The following KCNH4 variants were observed in gnomAD, a reference collection of about 807,000 sequenced individuals.
The protein encoded by KCNH4 is potassium voltage-gated channel subfamily H member 4, also known as voltage-gated delayed rectifier potassium channel KCNH4.
A neutral mutation model predicts 90.7 loss-of-function variants in KCNH4; 33 were observed. The ratio of observed to expected loss-of-function variants is 0.36; its 90% CI spans 0.28 to 0.49. The LOEUF is 0.49. KCNH4 is among the 20% of genes least tolerant of loss of function. The pLI is 0.98. For missense variants in KCNH4, 1,044 were observed against 1,387.1 expected (o/e 0.75, Z 3.93); for synonymous variants, 551 against 581.7 (o/e 0.95, Z 0.76).
At chr17:42,178,687 C>T in intron 2 of KCNH4, 106 bp downstream of exon 2, 1 of 1,188,748 alleles carries the variant, frequency 8.4e-7, no homozygotes, top group South Asian at 1.4e-5. Flanking sequence ...TCACAGTCAG[C>T]TTTTGGCAGT....
chr17:42,158,872 T>G (rs1455745090), intron 16 of KCNH4, among the ~76,000 whole-genome samples: 1 of 151,480 alleles, frequency 6.6e-6, no homozygotes, highest in African/African-American at 2.4e-5. Context: ...TTTATAGAGA[T>G]AGGGTCTCGC....
Position 42,170,070 on chromosome 17 carries a change from G to A in KCNH4, c.1390+37C>T, listed in dbSNP as rs546003744. ...AGTTTCCCCGTGCATGCTGGGCTTC[G>A]CAGGGCCCCACTGAGGCGTGGCAGG... On this transcript the variant is annotated intron_variant, in intron 8 of 16. Coordinates refer to ENST00000264661, the MANE Select transcript of KCNH4 (RefSeq NM_012285.3). The A allele has an allele frequency of 1.4e-5, 22 of 1,542,182 alleles. No individual in the cohort carries two copies. The East Asian group carries it at 3.4e-4, about 24-fold the overall frequency.
chr17:42,180,851 C>G lies in KCNH4; in HGVS notation c.76+19G>C. ...GCCCCCCAGCTCGAACCTCAAGCCC[C>G]GACCTCCGTCCCACTCACGCGTTCC... On this transcript the variant is annotated intron_variant, in intron 1 of 16. Coordinates refer to ENST00000264661, the MANE Select transcript of KCNH4 (RefSeq NM_012285.3). The surrounding 1 kb of genome is among the most constrained non-coding windows in gnomAD (Gnocchi z 4.7). The G allele has an allele frequency of 6.2e-7, 1 of 1,613,190 alleles. No individual in the cohort carries two copies. The highest frequency in any genetic ancestry group is 8.5e-7 in the Non-Finnish European group (1 of 1,179,318).
intron 11 of KCNH4, among the ~76,000 whole-genome samples, chr17:42,164,869 G>C (rs1314803593): frequency 2.0e-5 from 3 of 151,402 alleles, no homozygotes; most frequent in African/African-American, 7.3e-5. Flanking sequence ...ACTTTGGGAG[G>C]CCGAGGTGGG....
intron 10 of KCNH4, 72 bp from the exon 11 acceptor site, chr17:42,165,765 G>T: frequency 6.4e-7 from 1 of 1,561,314 alleles, no homozygotes; most frequent in Non-Finnish European, 8.8e-7. Context: ...GGTGCTCAGT[G>T]GATTTGAGGG....
chr17:42,172,407 C>G (rs2079833230), intron 6 of KCNH4, among the ~76,000 whole-genome samples: 1 of 151,748 alleles, frequency 6.6e-6, no homozygotes, highest in South Asian at 2.1e-4. Flanking sequence ...CTCCTGACCC[C>G]GTGATCCACC....
Position 42,164,181 on chromosome 17 carries a change from A to T in KCNH4, c.2086-13T>A. ...AGCGGCTGAGGCCCTGTGGGGACAT[A>T]GGAGAGTTCAAGCTGATTCCTGCCT... On this transcript the variant is annotated splice_polypyrimidine_tract_variant and intron_variant, in intron 11 of 16. Transcript: ENST00000264661. 1 of 1,543,764 alleles carries T rather than the reference A, an allele frequency of 6.5e-7. No individual in the cohort carries two copies. Among genetic ancestry groups the T allele is most frequent in the Non-Finnish European group, 8.8e-7 (1 of 1,142,346 alleles).
intron 11 of KCNH4, among the ~76,000 whole-genome samples, chr17:42,165,005 C>T (rs182625638): frequency 1.0e-3 from 154 of 151,768 alleles, no homozygotes; most frequent in Admixed American, 4.3e-3. Context: ...ACTCGGAAGG[C>T]TGAGGCAGGA....
intron 1 of KCNH4, among the ~76,000 whole-genome samples, chr17:42,179,679 T>C (rs2079887862): frequency 1.3e-5 from 2 of 152,210 alleles, no homozygotes; most frequent in South Asian, 2.1e-4. Flanking sequence ...CAGATCTCCT[T>C]AGTGTGGGGG....
chr17:42,166,640 C>T, intron 9 of KCNH4, 94 bp from the exon 10 acceptor site: 1 of 1,470,242 alleles, frequency 6.8e-7, no homozygotes, highest in Non-Finnish European at 9.2e-7. Flanking sequence ...GAGAATTCCT[C>T]TTGCCCTTGC....
rs183237188 is a variant in KCNH4, at chr17:42,177,694, C to A, written c.585+406G>T. On this transcript the variant is annotated intron_variant, in intron 4 of 16. Transcript: ENST00000264661. ...CCTAACAGAGGGTTGGGGACTCAAT[C>A]CCCTGGCTTGGTCAGGATCCTAGGA... Among the ~76,000 whole-genome samples the A allele has an allele frequency of 4.5e-3, 688 of 152,284 alleles. 8 individuals are homozygous for A. Among genetic ancestry groups the A allele is most frequent in the Non-Finnish European group, 3.6e-3 (247 of 68,012 alleles).
intron 1 of KCNH4, 107 bp from the exon 2 acceptor site, chr17:42,179,133 T>G: frequency 1.4e-6 from 1 of 725,478 alleles, no homozygotes; most frequent in South Asian, 1.8e-5. Context: ...AGCCAGAAGC[T>G]TCCCAGGTTT....
rs537747952 is a variant in KCNH4 at position 42,176,104 on chromosome 17, G to A, written c.779C>T (p.Ser260Leu). 14 of 1,613,414 alleles carry A rather than the reference G, an allele frequency of 8.7e-6. No homozygotes were observed. The highest frequency in any genetic ancestry group is 2.2e-5 in the South Asian group (2 of 91,058). The change falls in exon 5 of 17, where the codon TCG (serine) becomes TTG (leucine). Residue 260 changes from serine (S) to leucine (L), a missense_variant. Physicochemically the swap from Ser to Leu is moderately radical, Grantham distance 145 (BLOSUM62 -2). Transcript: ENST00000264661. ...FSGDDDTPITSRHTLVSDIAV... is the reference protein window; with the variant it reads ...FSGDDDTPITLRHTLVSDIAV... ...GATGTCGCTGACAAGGGTGTGTCGC[G>A]AAGTGATGGGGGTGTCATCGTCACC...
rs571521134 is a variant in KCNH4 at position 42,180,730 on chromosome 17, G to A, written c.76+140C>T. The A allele has an allele frequency of 2.4e-5, 19 of 805,506 alleles. 1 individual carries two copies. The South Asian group carries it at 2.4e-4, about 10-fold the overall frequency. 49.9% of individuals were successfully genotyped at this position (805,506 alleles called of 1,614,324 possible). A position where few individuals can be genotyped will look rare whatever the true frequency, so the allele number is the denominator to read the frequency against. ...GCACTCCCCGCCCTGTTCCTGCACC[G>A]CGGCTTTGGGAGTTCCTAGACCCGC... On this transcript the variant is annotated intron_variant, in intron 1 of 16. Transcript: ENST00000264661. The surrounding 1 kb of genome is among the most constrained non-coding windows in gnomAD (Gnocchi z 4.7).
At chr17:42,170,050 C>T in intron 8 of KCNH4, 57 bp downstream of exon 8, 1 of 1,501,902 alleles carries the variant, frequency 6.7e-7, no homozygotes, top group Non-Finnish European at 9.0e-7. Flanking sequence ...GCCTCAGTTT[C>T]CCCGTGCATG....
chr17:42,162,565 C>T (rs1466766560), intron 14 of KCNH4, among the ~76,000 whole-genome samples: 3 of 151,922 alleles, frequency 2.0e-5, no homozygotes, highest in African/African-American at 7.3e-5. Context: ...ACACAGCATC[C>T]CTCTGGTTTT....
rs377053126 is a variant in KCNH4 at position 42,163,688 on chromosome 17, G to C, written c.2395C>G (p.Pro799Ala). Residue 799 changes from proline (P) to alanine (A), a missense_variant, in exon 13 of 17, where the codon CCC (proline) becomes GCC (alanine). Physicochemically the swap from Pro to Ala is conservative, Grantham distance 27. Transcript: ENST00000264661. This position sits in a 1 kb window ranked among gnomAD's most constrained non-coding sequence, Gnocchi z 5.4. ...QGHSASPHGPPRCSAAWKPPQ... is the reference protein window; with the variant it reads ...QGHSASPHGPARCSAAWKPPQ... Reference sequence around the variant, plus strand: ...GGCTTCCAGGCAGCAGAGCACCTGGGGGGGCCGTGAGGGGAGGCACTGTGG... The same window carrying C: ...GGCTTCCAGGCAGCAGAGCACCTGGCGGGGCCGTGAGGGGAGGCACTGTGG... 4.9e-5 allele frequency: 74 copies of C among 1,512,234 alleles called. No homozygotes were observed. The highest frequency in any genetic ancestry group is 5.9e-5 in the Non-Finnish European group (67 of 1,131,156). 93.7% of individuals were successfully genotyped at this position (1,512,234 alleles called of 1,614,324 possible). A position where few individuals can be genotyped will look rare whatever the true frequency, so the allele number is the denominator to read the frequency against.
intron 6 of KCNH4, among the ~76,000 whole-genome samples, chr17:42,172,780 C>T (rs116690895): frequency 0.02 from 2,990 of 151,848 alleles, 41 homozygotes; most frequent in South Asian, 0.052. Context: ...GTAGGGGAGC[C>T]GGCCCTAGTC....
rs1056229542 is a variant in KCNH4 at position 42,162,391 on chromosome 17, C to T, written c.2585-70G>A. On this transcript the variant is annotated intron_variant, in intron 14 of 16. Transcript: ENST00000264661. ...CTGAGCCTATAACTTGGGCTGGAAT[C>T]CTCCTGTCATTGGGCAGGCGGAGAG... 2.9e-6 allele frequency: 4 copies of T among 1,371,996 alleles called. No individual in the cohort carries two copies. In the Admixed American group the frequency reaches 7.1e-5, roughly 24 times the overall value. 85.0% of individuals were successfully genotyped at this position (1,371,996 alleles called of 1,614,324 possible).
Sources: gnomAD v4.1 joint callset for allele counts (sites outside exome capture counted in the v4.1 genomes callset) on GRCh38, gnomAD v4.1.1 for gene constraint, Gnocchi (gnomAD v3.1) non-coding constraint, MANE v1.5 for transcripts, NCBI Gene and HGNC (gene_info 2026-07-23, HGNC 2026-07-21) for gene names.